Variants in HNF4G observed in about 807,000 individuals in gnomAD.
HNF4G encodes the protein hepatocyte nuclear factor 4 gamma, also known as hepatocyte nuclear factor 4-gamma.
Under a neutral mutation model 50.9 loss-of-function variants are expected in HNF4G, and 21 were observed. The ratio of observed to expected loss-of-function variants is 0.41; its 90% CI spans 0.29 to 0.59. The LOEUF (loss-of-function observed/expected upper bound fraction) is 0.59. HNF4G is among the 20% of genes least tolerant of loss of function. HNF4G has a pLI of 0.26. For missense variants in HNF4G, 527 were observed against 559.4 expected (o/e 0.94, Z 0.58); for synonymous variants, 198 against 185.6 (o/e 1.07, Z -0.54).
At chr8:75,449,995 T>C (rs1333647941) in intron 1 of HNF4G, among the ~76,000 whole-genome samples, 2 of 152,152 alleles carry the variant, frequency 1.3e-5, no homozygotes, top group Admixed American at 6.6e-5. Context: ...ACAACAAATA[T>C]CTCCCCAATC....
chr8:75,473,172 G>T (rs777463028), intron 1 of HNF4G, among the ~76,000 whole-genome samples: 4 of 152,048 alleles, frequency 2.6e-5, no homozygotes, highest in Non-Finnish European at 5.9e-5. Context: ...AGCCAGGCGT[G>T]GTTGTGGGTG....
intron 2 of HNF4G, among the ~76,000 whole-genome samples, chr8:75,525,434 C>T (rs1337871330): frequency 2.0e-5 from 3 of 152,172 alleles, no homozygotes; most frequent in Non-Finnish European, 2.9e-5. Context: ...TCCCAAAGTT[C>T]TGGAATTACA....
intron 1 of HNF4G, among the ~76,000 whole-genome samples, chr8:75,488,000 G>A (rs1163534637): frequency 1.3e-5 from 2 of 152,194 alleles, no homozygotes; most frequent in African/African-American, 2.4e-5. Flanking sequence ...TCACTATCAC[G>A]AGAATAGCAT....
Position 75,498,636 on chromosome 8 carries a change from G to A in HNF4G, c.-24+8428G>A, listed in dbSNP as rs551866876. Among the ~76,000 whole-genome samples, 38 of 151,968 alleles carry A rather than the reference G, an allele frequency of 2.5e-4. 1 individual carries two copies. The South Asian group carries it at 7.5e-3, about 30-fold the overall frequency. ...CAGACCAGCAATCTTATGAATATAA[G>A]TGCAAAAAATCCTCAACAAAATACT... On this transcript the variant is annotated intron_variant, in intron 2 of 10. Coordinates refer to the HNF4G transcript ENST00000354370.
At chr8:75,509,637 C>A (rs575276861) in intron 2 of HNF4G, among the ~76,000 whole-genome samples, 3 of 152,226 alleles carry the variant, frequency 2.0e-5, no homozygotes, top group South Asian at 2.1e-4. Flanking sequence ...AACACAGTCA[C>A]GTGATGTATA....
chr8:75,559,826 AAATAGT>A (rs1442460162), intron 8 of HNF4G, among the ~76,000 whole-genome samples: 1 of 152,176 alleles, frequency 6.6e-6, no homozygotes, highest in Non-Finnish European at 1.5e-5. Flanking sequence ...AATTGACACA[AAATAGT>A]AGAAAGGGAA....
intron 1 of HNF4G, among the ~76,000 whole-genome samples, chr8:75,449,509 C>CTTTTTTTTTT (rs71271864): frequency 1.5e-5 from 2 of 129,334 alleles, no homozygotes; most frequent in African/African-American, 2.9e-5. Context: ...ATATTTTTTT[C>CTTTTTTTTTT]TTTTTTTTTT....
At chr8:75,508,716 C>T (rs773886974) in intron 2 of HNF4G, among the ~76,000 whole-genome samples, 7 of 152,130 alleles carry the variant, frequency 4.6e-5, no homozygotes, top group African/African-American at 7.2e-5. Flanking sequence ...GCCGTAACCA[C>T]GTAGGCAAAC....
At chr8:75,509,275 G>C (rs1184950005) in intron 2 of HNF4G, among the ~76,000 whole-genome samples, 2 of 152,150 alleles carry the variant, frequency 1.3e-5, no homozygotes, top group Non-Finnish European at 2.9e-5. Context: ...GCTAAGGACT[G>C]AGCCAACATG....
intron 2 of HNF4G, among the ~76,000 whole-genome samples, chr8:75,528,567 A>G (rs1194383939): frequency 2.0e-5 from 3 of 152,178 alleles, no homozygotes; most frequent in African/African-American, 7.2e-5. Flanking sequence ...CAAGGTCAGT[A>G]TTATGGGAGA....
At chr8:75,459,291 G>C (rs1811791689) in intron 1 of HNF4G, among the ~76,000 whole-genome samples, 1 of 152,132 alleles carries the variant, frequency 6.6e-6, no homozygotes, top group African/African-American at 2.4e-5. Flanking sequence ...TATTCATAAA[G>C]TGTCATGAGT....
At chr8:75,510,955 T>G (rs1014534560) in intron 2 of HNF4G, among the ~76,000 whole-genome samples, 1 of 152,150 alleles carries the variant, frequency 6.6e-6, no homozygotes, top group African/African-American at 2.4e-5. Context: ...AGTTAGCACT[T>G]TATCTTTTTA....
intron 1 of HNF4G, among the ~76,000 whole-genome samples, chr8:75,458,523 A>G (rs1347366782): frequency 1.3e-5 from 2 of 152,164 alleles, no homozygotes; most frequent in South Asian, 2.1e-4. Context: ...TCAGACAACA[A>G]CAATAACAAA....
chr8:75,412,991 T>G (rs530196357), intron 1 of HNF4G, among the ~76,000 whole-genome samples: 1 of 152,104 alleles, frequency 6.6e-6, no homozygotes, highest in Non-Finnish European at 1.5e-5. Flanking sequence ...CTGGAGATAT[T>G]TCAGGGAAGT....
intron 9 of HNF4G, among the ~76,000 whole-genome samples, chr8:75,562,198 T>C (rs1807332760): frequency 6.6e-6 from 1 of 152,108 alleles, no homozygotes; most frequent in Non-Finnish European, 1.5e-5. Flanking sequence ...CCACCTGACT[T>C]CTAGGCATTG....
chr8:75,433,912 G>C (rs1811073787), intron 1 of HNF4G, among the ~76,000 whole-genome samples: 1 of 151,556 alleles, frequency 6.6e-6, no homozygotes. Flanking sequence ...TTTGACTTTA[G>C]CACAGTTAAG....
intron 2 of HNF4G, among the ~76,000 whole-genome samples, chr8:75,525,717 G>C (rs940986188): frequency 6.6e-6 from 1 of 152,144 alleles, no homozygotes; most frequent in Non-Finnish European, 1.5e-5. Context: ...AGAAAAAAAG[G>C]GTTATTCAAC....
At chr8:75,535,305 A>G (rs1273200323), upstream of HNF4G, among the ~76,000 whole-genome samples, 1 of 151,822 alleles carries the variant, frequency 6.6e-6, no homozygotes, top group Non-Finnish European at 1.5e-5. Context: ...TTCTATTTCA[A>G]AAGAGGAAGA....
chr8:75,540,241 T>C (rs1806576909), intron 1 of HNF4G, among the ~76,000 whole-genome samples, 161 bp downstream of exon 1: 1 of 152,126 alleles, frequency 6.6e-6, no homozygotes, highest in Non-Finnish European at 1.5e-5. Flanking sequence ...CATTACAAAA[T>C]TTAAGTTAAT....
Sources: gnomAD v4.1 joint callset for allele counts (sites outside exome capture counted in the v4.1 genomes callset) on GRCh38, gnomAD v4.1.1 for gene constraint, MANE v1.5 for transcripts, NCBI Gene and HGNC (gene_info 2026-07-23, HGNC 2026-07-21) for gene names.